PARN: variants seen among roughly 807,000 people sequenced by gnomAD.
The protein encoded by PARN is poly(A)-specific ribonuclease.
A neutral mutation model predicts 102.8 loss-of-function variants in PARN; 71 were observed. That is an observed-to-expected ratio of 0.69 (90% CI 0.57 to 0.84). PARN has a LOEUF of 0.84. PARN is among the 40% of genes least tolerant of loss of function. The pLI is 0.00. For synonymous variants in PARN, 261 were observed against 252.9 expected, an observed-to-expected ratio of 1.03 and a Z score of -0.30; for missense variants, 782 against 760.9, an observed-to-expected ratio of 1.03 and a Z score of -0.33.
At chr16:14,491,954 G>T (rs949603977) in intron 21 of PARN, among the ~76,000 whole-genome samples, 2 of 152,180 alleles carry the variant, frequency 1.3e-5, no homozygotes, top group Non-Finnish European at 2.9e-5. Flanking sequence ...AAAGTGCCTG[G>T]ACTGGAAACT....
intron 22 of PARN, among the ~76,000 whole-genome samples, chr16:14,456,495 G>C (rs1194304612): frequency 6.6e-6 from 1 of 152,056 alleles, no homozygotes; most frequent in Non-Finnish European, 1.5e-5. Flanking sequence ...TTAAAGACAG[G>C]TAGAGCAAGT....
In PARN at chr16:14,469,708, C is replaced by CAA. The variant is rs113317045; in HGVS notation, c.1670+12928_1670+12929dup. Among the ~76,000 whole-genome samples the CAA allele has an allele frequency of 1.6e-3, 212 of 135,402 alleles. 1 individual carries two copies. Among genetic ancestry groups the CAA allele is most frequent in the Admixed American group, 2.2e-3 (30 of 13,502 alleles). 88.8% of individuals were successfully genotyped at this position (135,402 alleles called of 152,430 possible). On this transcript the variant is annotated intron_variant, in intron 22 of 23. Transcript: ENST00000437198. ...AGAATTTTTAAAAAGCATAAAGTGT[C>CAA]AAAAAAAAAAAAAAGAACTACGAGG...
Position 14,446,885 on chromosome 16 carries a change from A to C in PARN, c.1864+3T>G, listed in dbSNP as rs774460362. ...CAGAACTTCGGCAAGATCCAATACA[A>C]ACCTGCTGGAGAAAGCTCCTTCTTC... On this transcript the variant is annotated splice_donor_region_variant and intron_variant, in intron 23 of 23. Coordinates refer to ENST00000437198, the MANE Select transcript of PARN (RefSeq NM_002582.4). 1.9e-6 allele frequency: 3 copies of C among 1,610,296 alleles called. No individual in the cohort carries two copies. The highest frequency in any genetic ancestry group is 2.5e-6 in the Non-Finnish European group (3 of 1,177,746).
chr16:14,499,701 A>G (rs374649474), intron 21 of PARN, among the ~76,000 whole-genome samples: 2 of 152,214 alleles, frequency 1.3e-5, no homozygotes, highest in Non-Finnish European at 2.9e-5. Context: ...AGTCAAGCCA[A>G]AAGAGAGAAA....
intron 5 of PARN, among the ~76,000 whole-genome samples, chr16:14,626,893 A>G (rs1454266841): frequency 6.6e-6 from 1 of 152,100 alleles, no homozygotes. Flanking sequence ...CTGGGATTAT[A>G]GGCATGAGCC....
intron 20 of PARN, among the ~76,000 whole-genome samples, chr16:14,553,232 A>G (rs944319550): frequency 2.1e-5 from 3 of 146,292 alleles, no homozygotes; most frequent in African/African-American, 7.6e-5. Flanking sequence ...AGCCTGGGCT[A>G]CACAGGAAGA....
In PARN at chr16:14,584,392, A is replaced by G. The variant is rs779193378; in HGVS notation, c.1036T>C (p.Leu346=). 5 of 1,613,394 alleles carry G rather than the reference A, an allele frequency of 3.1e-6. No individual in the cohort carries two copies. Among genetic ancestry groups the G allele is most frequent in the African/African-American group, 1.3e-5 (1 of 74,930 alleles). ...GGTGTCTCTTTTAACCGCTTTTCCA[A>G]TTCCGCAAGGGATGTGTTGTTAATG... is the stretch of plus-strand genomic sequence containing the variant. ...DIINNTSLAE[L]EKRLKETPFN... Residue 346 remains leucine (L), a synonymous_variant, in exon 16 of 24, where the codon TTG becomes CTG. Transcript: ENST00000437198.
intron 22 of PARN, among the ~76,000 whole-genome samples, chr16:14,471,369 TATCAATAATTCATA>T (rs1962729002): frequency 6.6e-6 from 1 of 152,204 alleles, no homozygotes. Flanking sequence ...ACTCATGAAT[TATCAATAATTCATA>T]ATTCTCTATT....
At chr16:14,474,302 G>T (rs797012855) in intron 22 of PARN, among the ~76,000 whole-genome samples, 2 of 152,294 alleles carry the variant, frequency 1.3e-5, no homozygotes, top group South Asian at 2.1e-4. Context: ...ACTGTGCTCA[G>T]CCAATGATCT....
At chr16:14,615,006 G>C (rs1224207779) in intron 6 of PARN, among the ~76,000 whole-genome samples, 1 of 152,000 alleles carries the variant, frequency 6.6e-6, no homozygotes, top group Non-Finnish European at 1.5e-5. Context: ...GCTACAGGGG[G>C]AAACTAACAA....
In PARN at chr16:14,448,195, C is replaced by A. The variant is rs187707247; in HGVS notation, c.1671-1114G>T. ...ACAGAGTCTCGCTCTGTCCCCCAGG[C>A]TGGAGTGCAGTGGCACAATCTCAGC... On this transcript the variant is annotated intron_variant, in intron 22 of 23. Transcript: ENST00000437198. Among the ~76,000 whole-genome samples the A allele has an allele frequency of 4.6e-4, 70 of 152,126 alleles. 1 individual carries two copies. The highest frequency in any genetic ancestry group is 4.0e-3 in the Admixed American group (61 of 15,292).
intron 21 of PARN, among the ~76,000 whole-genome samples, chr16:14,490,756 C>T (rs1964013954): frequency 6.6e-6 from 1 of 152,066 alleles, no homozygotes; most frequent in Admixed American, 6.6e-5. Context: ...TGTTTGTTTG[C>T]TTATTTAAAT....
At chr16:14,576,022 C>T (rs1038547186) in intron 18 of PARN, 1 of 153,948 alleles carries the variant, frequency 6.5e-6, no homozygotes, top group Non-Finnish European at 1.4e-5. Flanking sequence ...TCACCTTCTG[C>T]CATGACTGTG....
intron 12 of PARN, among the ~76,000 whole-genome samples, chr16:14,595,934 G>A (rs1245960557): frequency 6.6e-6 from 1 of 152,142 alleles, no homozygotes; most frequent in Non-Finnish European, 1.5e-5. Context: ...CTAAGTGTGG[G>A]ATTACAGGGT....
intron 18 of PARN, among the ~76,000 whole-genome samples, chr16:14,563,986 T>C (rs531262507): frequency 3.9e-4 from 60 of 152,306 alleles, no homozygotes; most frequent in Admixed American, 1.6e-3. Context: ...TCGGTCCCCC[T>C]GTACTGAGAA....
At chr16:14,446,355 G>A (rs1961198081) in intron 23 of PARN, among the ~76,000 whole-genome samples, 1 of 152,194 alleles carries the variant, frequency 6.6e-6, no homozygotes, top group African/African-American at 2.4e-5. Flanking sequence ...TCCCACCTCA[G>A]GGCTACGGTG....
intron 22 of PARN, among the ~76,000 whole-genome samples, chr16:14,466,338 T>A (rs927393135): frequency 1.4e-4 from 22 of 152,022 alleles, no homozygotes; most frequent in African/African-American, 2.9e-4. Context: ...TTGAAAATAT[T>A]TTTTTTTAAA....
intron 12 of PARN, among the ~76,000 whole-genome samples, chr16:14,596,757 T>C (rs913916439): frequency 2.0e-5 from 3 of 149,206 alleles, no homozygotes; most frequent in South Asian, 2.1e-4. Context: ...AATACATAAA[T>C]AAACAGGGGA....
At chr16:14,561,411 A>G (rs1202176548) in intron 18 of PARN, among the ~76,000 whole-genome samples, 3 of 152,230 alleles carry the variant, frequency 2.0e-5, no homozygotes, top group Admixed American at 6.5e-5. Flanking sequence ...AGTTAACAGG[A>G]AAACAGTATA....
Sources: allele counts gnomAD v4.1 joint callset (sites outside exome capture counted in the v4.1 genomes callset), GRCh38; gene constraint gnomAD v4.1.1; transcripts MANE v1.5; gene names NCBI Gene and HGNC (gene_info 2026-07-23, HGNC 2026-07-21).